Variants in METTL2B observed in about 807,000 individuals in gnomAD.
METTL2B encodes methyltransferase 2B, tRNA N3-cytidine.
METTL2B carries 28 observed loss-of-function variants against 51.0 expected under a neutral mutation model. The observed-to-expected ratio is 0.55, with a 90% CI of 0.41 to 0.75. METTL2B has a LOEUF of 0.75. Among genes scored for constraint, METTL2B ranks in the 30% least tolerant of loss-of-function variants. METTL2B has a pLI of 0.00. For missense variants in METTL2B, 313 were observed against 460.7 expected (o/e 0.68, Z 2.93); for synonymous variants, 128 against 166.3 (o/e 0.77, Z 1.77).
intron 6 of METTL2B, among the ~76,000 whole-genome samples, chr7:128,494,959 G>A (rs1015201565): frequency 1.3e-5 from 2 of 149,200 alleles, no homozygotes; most frequent in African/African-American, 5.0e-5. Context: ...CTGTTGCCCC[G>A]GCTGGGGTGC....
chr7:128,484,870 C>T (rs1435441362), intron 4 of METTL2B, among the ~76,000 whole-genome samples: 8 of 152,062 alleles, frequency 5.3e-5, no homozygotes, highest in African/African-American at 1.7e-4. Flanking sequence ...CGTGAGCCAC[C>T]GCACCCGGCT....
At chr7:128,488,620 C>G (rs1199451222) in intron 5 of METTL2B, 3 of 406,864 alleles carry the variant, frequency 7.4e-6, no homozygotes, top group African/African-American at 2.1e-5. Flanking sequence ...CATTCCATTT[C>G]TCTCCCTCTC....
At chr7:128,478,936 A>C (rs1305523553) in intron 2 of METTL2B, among the ~76,000 whole-genome samples, 1 of 152,204 alleles carries the variant, frequency 6.6e-6, no homozygotes, top group Non-Finnish European at 1.5e-5. Context: ...TTGATTGTTC[A>C]AACAGAATTT....
At chr7:128,489,965 A>G (rs1356114828) in intron 5 of METTL2B, among the ~76,000 whole-genome samples, 1 of 152,188 alleles carries the variant, frequency 6.6e-6, no homozygotes, top group Non-Finnish European at 1.5e-5. Context: ...GAAGTTTACC[A>G]TATCAATTGG....
chr7:128,500,159 G>C (rs78696648), intron 7 of METTL2B, among the ~76,000 whole-genome samples: 2 of 152,086 alleles, frequency 1.3e-5, no homozygotes, highest in Non-Finnish European at 1.5e-5. Flanking sequence ...ACTGAGATGA[G>C]GTCAGGGAGG....
chr7:128,477,992 G>C (rs111821769), intron 2 of METTL2B: 1 of 444,982 alleles, frequency 2.2e-6, no homozygotes, highest in Admixed American at 2.4e-5. Context: ...TTTTCCCAGA[G>C]GTAAGCAGTC....
intron 4 of METTL2B, among the ~76,000 whole-genome samples, chr7:128,485,427 G>A (rs1460535060): frequency 6.6e-6 from 1 of 152,064 alleles, no homozygotes; most frequent in Non-Finnish European, 1.5e-5. Flanking sequence ...ACTTTGGGAG[G>A]CCGAGACGGG....
chr7:128,489,649 G>GA (rs1792791154), intron 5 of METTL2B, among the ~76,000 whole-genome samples: 1 of 86,802 alleles, frequency 1.2e-5, no homozygotes, highest in South Asian at 4.6e-4. Flanking sequence ...TTTTTTTTGA[G>GA]ACGGAGTCTC....
chr7:128,502,407 A>T lies in METTL2B; in HGVS notation c.*491A>T. 1 of 300,482 alleles carries T rather than the reference A, an allele frequency of 3.3e-6. No individual in the cohort carries two copies. Among genetic ancestry groups the T allele is most frequent in the South Asian group, 2.5e-5 (1 of 40,350 alleles). The allele number at this position is 300,482 out of a possible 1,614,324, so 18.6% of individuals were successfully genotyped here. A position where few individuals can be genotyped will look rare whatever the true frequency, so the allele number is the denominator to read the frequency against. ...AGTGTTTTTTGATTGTAATTGCGTT[A>T]AATCTTTTGAGAGTGTAAATGCCGG... On this transcript the variant is annotated 3_prime_UTR_variant, in exon 9 of 9. Coordinates refer to ENST00000262432, the MANE Select transcript of METTL2B (RefSeq NM_018396.3).
At position 128,502,870 on chromosome 7, in the gene METTL2B, C is replaced by G; in HGVS notation, c.*954C>G. 1 of 239,138 alleles carries G rather than the reference C, an allele frequency of 4.2e-6. No homozygotes were observed. Among genetic ancestry groups the G allele is most frequent in the Non-Finnish European group, 8.4e-6 (1 of 119,044 alleles). The allele number at this position is 239,138 out of a possible 1,614,324, so 14.8% of individuals were successfully genotyped here. A position where few individuals can be genotyped will look rare whatever the true frequency, so the allele number is the denominator to read the frequency against. The stretch of plus-strand genomic sequence containing the variant: ...CTGAGATTGCGCCACTGTACTCCAG[C>G]CTGGGCAACAAAGCAAGACTCTGTC... On this transcript the variant is annotated 3_prime_UTR_variant, in exon 9 of 9. Coordinates refer to ENST00000262432, the MANE Select transcript of METTL2B (RefSeq NM_018396.3).
intron 2 of METTL2B, among the ~76,000 whole-genome samples, chr7:128,478,383 T>A (rs1260416798): frequency 6.6e-6 from 1 of 151,488 alleles, no homozygotes; most frequent in Non-Finnish European, 1.5e-5. Flanking sequence ...CCCGAGTAGC[T>A]GGGACTACAG....
rs1452533494 is a variant in METTL2B, at chr7:128,501,878, T to C, written c.1099T>C (p.Cys367Arg). Residue 367 changes from cysteine to arginine, a missense_variant, in exon 9 of 9, where the codon TGC becomes CGC. Cys to Arg is a radical substitution (Grantham distance 180). This residue lies in a region of METTL2B where 138 missense variants were observed against 187.6 expected (regional missense o/e 0.74). Coordinates refer to ENST00000262432, the MANE Select transcript of METTL2B (RefSeq NM_018396.3). ...QLTMYRVWIQCKYCKPLLSST... is the reference protein window; with the variant it reads ...QLTMYRVWIQRKYCKPLLSST... ...GACAATGTACCGGGTTTGGATTCAGTGCAAATACTGCAAGCCCCTTCTGTC... is the reference window on the plus strand; with the variant it reads ...GACAATGTACCGGGTTTGGATTCAGCGCAAATACTGCAAGCCCCTTCTGTC... 6.2e-7 allele frequency: 1 copy of C among 1,614,164 alleles called. No homozygotes were observed. The highest frequency in any genetic ancestry group is 8.5e-7 in the Non-Finnish European group (1 of 1,180,042).
Position 128,476,889 on chromosome 7 carries a change from C to G in METTL2B, c.110+14C>G. Reference sequence around the variant, plus strand: ...CCACAATGCCTGGTAATCACCCTGCCCCCTCGCCCGGCCTGTCGCTGGCCG... The same window carrying G: ...CCACAATGCCTGGTAATCACCCTGCGCCCTCGCCCGGCCTGTCGCTGGCCG... On this transcript the variant is annotated intron_variant, in intron 1 of 8. Coordinates refer to ENST00000262432, the MANE Select transcript of METTL2B (RefSeq NM_018396.3). 1.2e-6 allele frequency: 2 copies of G among 1,613,742 alleles called. No individual in the cohort carries two copies. Among genetic ancestry groups the G allele is most frequent in the Non-Finnish European group, 1.7e-6 (2 of 1,179,802 alleles).
chr7:128,489,928 G>A (rs917448939), intron 5 of METTL2B, among the ~76,000 whole-genome samples: 6 of 152,084 alleles, frequency 3.9e-5, no homozygotes, highest in Non-Finnish European at 7.3e-5. Flanking sequence ...GCGCCCGGCC[G>A]GCAATTTCTT....
rs200760710 is a variant in METTL2B at position 128,479,440 on chromosome 7, C to T, written c.485C>T (p.Thr162Ile). Residue 162 changes from threonine to isoleucine, a missense_variant, in exon 3 of 9, where the codon ACT (threonine) becomes ATT (isoleucine). Thr to Ile is a moderately conservative substitution (Grantham distance 89). Around this residue, in one of 4 missense-constraint regions of METTL2B, gnomAD observed 42 missense variants for 113.4 expected, o/e 0.37. Coordinates refer to ENST00000262432, the MANE Select transcript of METTL2B (RefSeq NM_018396.3). ...TQTPPVEENV[T>I]QKISDLEICA... Reference sequence around the variant, plus strand: ...ACACCTCCTGTGGAGGAGAATGTAACTCAGAAAATTAGTGACCTGGAAATT... The same window carrying T: ...ACACCTCCTGTGGAGGAGAATGTAATTCAGAAAATTAGTGACCTGGAAATT... 33 of 1,614,026 alleles carry T rather than the reference C, an allele frequency of 2.0e-5. No individual in the cohort carries two copies. The highest frequency in any genetic ancestry group is 2.7e-5 in the Non-Finnish European group (32 of 1,179,956).
intron 7 of METTL2B, among the ~76,000 whole-genome samples, chr7:128,500,522 T>C (rs1355847774): frequency 2.6e-5 from 4 of 152,096 alleles, no homozygotes; most frequent in African/African-American, 4.8e-5. Flanking sequence ...CTTGGGAGGC[T>C]GAGGCAGGAG....
At chr7:128,485,840 A>C (rs1336133089) in intron 4 of METTL2B, among the ~76,000 whole-genome samples, 4 of 152,156 alleles carry the variant, frequency 2.6e-5, no homozygotes, top group Non-Finnish European at 5.9e-5. Flanking sequence ...AATTTTTAAA[A>C]CTATAACTGT....
At position 128,479,174 on chromosome 7, in the gene METTL2B, T is replaced by A; in HGVS notation, c.219T>A (p.Asn73Lys). 1 of 1,612,340 alleles carries A rather than the reference T, an allele frequency of 6.2e-7. No individual in the cohort carries two copies. The highest frequency in any genetic ancestry group is 1.7e-5 in the Admixed American group (1 of 59,958). Residue 73 changes from asparagine (N) to lysine (K), a missense_variant, in exon 3 of 9, where the codon AAT becomes AAA. Physicochemically the swap from Asn to Lys is moderately conservative, Grantham distance 94. This residue lies in a region of METTL2B where 67 missense variants were observed against 101.4 expected (regional missense o/e 0.66). Transcript: ENST00000262432. ...TATTTACAGTTGATTATGAGATCAA[T>A]GCCCACAAATACTGGAATGACTTCT... ...CQEKQVDYEI[N>K]AHKYWNDFYK...
In METTL2B at chr7:128,480,842, T is replaced by C. The variant is rs561351317; in HGVS notation, c.608+146T>C. ...AGGAGTGTGAGACCAGCCAGGGCAA[T>C]GTAGCAAGAAAAAAAAGTAAAGATT... On this transcript the variant is annotated intron_variant, in intron 4 of 8. Coordinates refer to ENST00000262432, the MANE Select transcript of METTL2B (RefSeq NM_018396.3). The C allele has an allele frequency of 1.7e-3, 1,730 of 1,042,246 alleles. 4 individuals are homozygous for C. The highest frequency in any genetic ancestry group is 2.3e-3 in the Non-Finnish European group (1,655 of 734,910). The allele number at this position is 1,042,246 out of a possible 1,614,324, so 64.6% of individuals were successfully genotyped here.
Sources: gnomAD v4.1 joint callset for allele counts (sites outside exome capture counted in the v4.1 genomes callset) on GRCh38, gnomAD v4.1.1 for gene constraint, gnomAD v4.1.1 regional missense constraint, MANE v1.5 for transcripts, NCBI Gene and HGNC (gene_info 2026-07-23, HGNC 2026-07-21) for gene names.